DMPK: variants seen among roughly 807,000 people sequenced by gnomAD.
DMPK encodes myotonin-protein kinase.
A neutral mutation model predicts 70.3 loss-of-function variants in DMPK; 32 were observed. The observed-to-expected ratio is 0.46, with a 90% confidence interval of 0.34 to 0.61. DMPK has a LOEUF of 0.61. Ranked by LOEUF, DMPK falls within the 20% of genes least tolerant of loss-of-function variation. The pLI, the probability that DMPK is intolerant of heterozygous loss-of-function variation, is 0.01. For missense variants in DMPK, 899 were observed against 886.0 expected (o/e 1.01, Z -0.19); for synonymous variants, 469 against 390.9 (o/e 1.20, Z -2.36).
In DMPK at chr19:45,777,507, C is replaced by T. The variant is rs1448129511; in HGVS notation, c.966G>A (p.Glu322=). The T allele has an allele frequency of 1.2e-6, 2 of 1,613,592 alleles. No homozygotes were observed. Among genetic ancestry groups the T allele is most frequent in the East Asian group, 2.2e-5 (1 of 44,882 alleles). Reference sequence around the variant, plus strand: ...CTGCTCCACCCCGGCCCAGCCGTGTCTCCGGGGGACACAGCAACCGCTGAA... The same window carrying T: ...CTGCTCCACCCCGGCCCAGCCGTGTTTCCGGGGGACACAGCAACCGCTGAA... The part of the protein sequence containing the change: ...DFIQRLLCPP[E]TRLGRGGAGD... Residue 322 remains glutamate (E), a synonymous_variant, in exon 8 of 15, where the codon GAG becomes GAA. Coordinates refer to ENST00000291270, the MANE Select transcript of DMPK (RefSeq NM_004409.5). The surrounding 1 kb of genome is among the most constrained non-coding windows in gnomAD (Gnocchi z 6.7).
At chr19:45,780,996 A>G (rs1358338872) in intron 1 of DMPK, among the ~76,000 whole-genome samples, 8 of 152,038 alleles carry the variant, frequency 5.3e-5, no homozygotes, top group Non-Finnish European at 1.2e-4. Context: ...TACTAAAGGG[A>G]GGCCAGGAGA....
chr19:45,771,802 C>T lies in DMPK; in HGVS notation c.1471G>A (p.Ala491Thr), dbSNP rs749309049. ...AAGTTCTGGTTGTCCGTGCGGATGG[C>T]CTCCATCTCCCGGCTCAGGCTCTGC... is the stretch of plus-strand genomic sequence containing the variant. ...TRQSLSREME[A>T]IRTDNQNFAS... The change falls in exon 11 of 15, where the codon GCC (alanine) becomes ACC (threonine). Residue 491 changes from alanine (A) to threonine (T), a missense_variant. By Grantham distance (58) the Ala-to-Thr change is moderately conservative. Coordinates refer to ENST00000291270, the MANE Select transcript of DMPK (RefSeq NM_004409.5). 52 of 1,568,170 alleles carry T rather than the reference C, an allele frequency of 3.3e-5. No homozygotes were observed. The highest frequency in any genetic ancestry group is 4.2e-5 in the Non-Finnish European group (49 of 1,156,540).
Position 45,782,309 on chromosome 19 carries a change from A to C in DMPK, c.44T>G (p.Leu15Trp), listed in dbSNP as rs868138075. The C allele has an allele frequency of 1.3e-6, 2 of 1,591,272 alleles. No individual in the cohort carries two copies. The highest frequency in any genetic ancestry group is 1.7e-6 in the Non-Finnish European group (2 of 1,170,056). ...CTCCAGCCCCAGGAAGCCCGGGTCC[A>C]ACACCAGCTGCTGGAGCCGCCTCAG... The part of the protein sequence containing the change: ...VRLRRLQQLV[L>W]DPGFLGLEPL... The change falls in exon 1 of 15, where the codon TTG becomes TGG. Residue 15 changes from leucine to tryptophan, a missense_variant. Leu to Trp is a moderately conservative substitution (Grantham distance 61, BLOSUM62 -2). Around this residue, in one of 3 missense-constraint regions of DMPK, gnomAD observed 149 missense variants for 142.5 expected, o/e 1.05. Coordinates refer to ENST00000291270, the MANE Select transcript of DMPK (RefSeq NM_004409.5).
chr19:45,772,611 T>C, intron 10 of DMPK, 30 bp downstream of exon 10: 1 of 1,464,340 alleles, frequency 6.8e-7, no homozygotes, highest in Non-Finnish European at 9.3e-7. Context: ...CAATTGTCCC[T>C]GACGGACCCC....
intron 2 of DMPK, 32 bp from the exon 3 acceptor site, chr19:45,779,554 C>A: frequency 6.2e-7 from 1 of 1,612,810 alleles, no homozygotes; most frequent in Non-Finnish European, 8.5e-7. Flanking sequence ...AGAGTGGAGA[C>A]GGCGGGAAAA....
chr19:45,778,718 C>A, intron 4 of DMPK, 77 bp from the exon 5 acceptor site: 1 of 1,439,238 alleles, frequency 6.9e-7, no homozygotes, highest in African/African-American at 1.4e-5. Flanking sequence ...GACAACCCCT[C>A]CCAGAGACAC....
chr19:45,774,926 A>C (rs1242726651), intron 9 of DMPK, 23 bp downstream of exon 9: 2 of 1,603,758 alleles, frequency 1.2e-6, no homozygotes, highest in Non-Finnish European at 1.7e-6. Flanking sequence ...TGGCCCCTGG[A>C]GGCCGTCCAG....
intron 5 of DMPK, 131 bp from the exon 6 acceptor site, chr19:45,778,351 TTC>T (rs1258219481): frequency 1.5e-6 from 2 of 1,355,030 alleles, no homozygotes; most frequent in African/African-American, 2.9e-5. Flanking sequence ...GCTTCTACAG[TTC>T]TGACCCCTAC....
At chr19:45,775,818 C>CTTTTT (rs1302500628) in intron 8 of DMPK, among the ~76,000 whole-genome samples, 2 of 84,498 alleles carry the variant, frequency 2.4e-5, no homozygotes, top group African/African-American at 4.4e-5. Flanking sequence ...TTGCCCAACC[C>CTTTTT]TTTTTTTTTT....
Position 45,782,396 on chromosome 19 carries a change from G to C in DMPK, c.-44C>G. Reference sequence around the variant, plus strand: ...TGGCCCCTCCCCGGGCCGGGGGCTCGGGGTCCTCCTGTCACAGGGCCTGGC... The same window carrying C: ...TGGCCCCTCCCCGGGCCGGGGGCTCCGGGTCCTCCTGTCACAGGGCCTGGC... On this transcript the variant is annotated 5_prime_UTR_variant, in exon 1 of 15. Transcript: ENST00000291270. 2 of 1,503,156 alleles carry C rather than the reference G, an allele frequency of 1.3e-6. No individual in the cohort carries two copies. Among genetic ancestry groups the C allele is most frequent in the Non-Finnish European group, 1.8e-6 (2 of 1,126,202 alleles). The allele number at this position is 1,503,156 out of a possible 1,614,324, so 93.1% of individuals were successfully genotyped here.
chr19:45,780,908 A>G (rs957133877), intron 1 of DMPK, among the ~76,000 whole-genome samples: 2 of 151,974 alleles, frequency 1.3e-5, no homozygotes, highest in East Asian at 3.9e-4. Flanking sequence ...CGGGCCACAA[A>G]AGGAGTGCTC....
chr19:45,777,416 G>A lies in DMPK; in HGVS notation c.1057C>T (p.Pro353Ser). 1 of 1,613,380 alleles carries A rather than the reference G, an allele frequency of 6.2e-7. No individual in the cohort carries two copies. The highest frequency in any genetic ancestry group is 8.5e-7 in the Non-Finnish European group (1 of 1,179,960). The change falls in exon 8 of 15, where the codon CCC (proline) becomes TCC (serine). Residue 353 changes from proline (P) to serine (S), a missense_variant. Pro to Ser is a moderately conservative substitution (Grantham distance 74). Around this residue, in one of 3 missense-constraint regions of DMPK, gnomAD observed 555 missense variants for 483.8 expected, o/e 1.15. Transcript: ENST00000291270. This position sits in a 1 kb window ranked among gnomAD's most constrained non-coding sequence, Gnocchi z 6.7. ...GCACCTTCGAAATCCGGTGTAAAGG[G>A]GGGCACGCTGTCCCGGAGACCATCC... ...DWDGLRDSVP[P>S]FTPDFEGATD...
intron 1 of DMPK, 195 bp from the exon 2 acceptor site, chr19:45,780,064 G>A: frequency 6.6e-7 from 1 of 1,521,940 alleles, no homozygotes; most frequent in Non-Finnish European, 8.8e-7. Context: ...TCCCATAGAG[G>A]TGAGATGCCT....
rs1969875971 is a variant in DMPK at position 45,777,980 on chromosome 19, G to A, written c.676-107C>T. 4 of 1,260,488 alleles carry A rather than the reference G, an allele frequency of 3.2e-6. No homozygotes were observed. Among genetic ancestry groups the A allele is most frequent in the Non-Finnish European group, 4.4e-6 (4 of 899,104 alleles). The allele number at this position is 1,260,488 out of a possible 1,614,324, so 78.1% of individuals were successfully genotyped here. A position where few individuals can be genotyped will look rare whatever the true frequency, so the allele number is the denominator to read the frequency against. ...AAATGCTTAGCCCCTCCCTCTGCCT[G>A]GTCTAATACTCCGCCACACAGATGC... is the stretch of plus-strand genomic sequence containing the variant. On this transcript the variant is annotated intron_variant, in intron 6 of 14. Coordinates refer to ENST00000291270, the MANE Select transcript of DMPK (RefSeq NM_004409.5). This position sits in a 1 kb window ranked among gnomAD's most constrained non-coding sequence, Gnocchi z 6.7.
chr19:45,780,009 TC>T (rs1212730767), intron 1 of DMPK, 140 bp from the exon 2 acceptor site: 1 of 1,554,564 alleles, frequency 6.4e-7, no homozygotes, highest in African/African-American at 1.4e-5. Context: ...CCCAGGGGCT[TC>T]CCCACATAAA....
In DMPK at chr19:45,777,580, G is replaced by A. The variant is rs149803658; in HGVS notation, c.893C>T (p.Ser298Phe). ...GKIVHYKEHLSLPLVDEGVPE... is the reference protein window; with the variant it reads ...GKIVHYKEHLFLPLVDEGVPE... ...GACCCCTTCGTCCACCAGCGGCAGAGAGAGGTGCTCCTGCTCAGAGGGAGA... is the reference window on the plus strand; with the variant it reads ...GACCCCTTCGTCCACCAGCGGCAGAAAGAGGTGCTCCTGCTCAGAGGGAGA... The change falls in exon 8 of 15, where the codon TCT (serine) becomes TTT (phenylalanine). Residue 298 changes from serine to phenylalanine, a missense_variant. Coordinates refer to ENST00000291270, the MANE Select transcript of DMPK (RefSeq NM_004409.5). The surrounding 1 kb of genome is among the most constrained non-coding windows in gnomAD (Gnocchi z 6.7). 322 of 1,613,424 alleles carry A rather than the reference G, an allele frequency of 2.0e-4. 2 individuals carry two copies. The South Asian group carries it at 3.0e-3, about 15-fold the overall frequency.
At chr19:45,779,651 C>A in intron 2 of DMPK, 127 bp downstream of exon 2, 1 of 1,555,092 alleles carries the variant, frequency 6.4e-7, no homozygotes, top group South Asian at 1.2e-5. Context: ...CCATTGGTCC[C>A]AAGCCCCGCC....
At chr19:45,778,245 G>T in intron 5 of DMPK, 25 bp from the exon 6 acceptor site, 2 of 1,596,158 alleles carry the variant, frequency 1.3e-6, no homozygotes, top group Non-Finnish European at 1.7e-6. Flanking sequence ...AGAGAAGGGT[G>T]GGATAAATGA....
In DMPK at chr19:45,774,696, C is replaced by T. The variant is rs148625275; in HGVS notation, c.1232+253G>A. ...GTCCTGTGGCTCTGTGTACTACAGA[C>T]GTAAAAGTTAATGGTTACAAGATTC... On this transcript the variant is annotated intron_variant, in intron 9 of 14. Coordinates refer to ENST00000291270, the MANE Select transcript of DMPK (RefSeq NM_004409.5). 5.6e-3 allele frequency among the ~76,000 whole-genome samples: 847 copies of T among 152,262 alleles called. 10 individuals carry two copies. Among genetic ancestry groups the T allele is most frequent in the African/African-American group, 0.019 (805 of 41,536 alleles).
Sources: allele counts gnomAD v4.1 joint callset (sites outside exome capture counted in the v4.1 genomes callset), GRCh38; gene constraint gnomAD v4.1.1; regional missense constraint gnomAD v4.1.1; non-coding constraint Gnocchi (gnomAD v3.1); transcripts MANE v1.5; gene names NCBI Gene and HGNC (gene_info 2026-07-23, HGNC 2026-07-21).